DDR1: variants seen among roughly 807,000 people sequenced by gnomAD.
DDR1 encodes discoidin domain receptor tyrosine kinase 1, also known as epithelial discoidin domain-containing receptor 1.
A neutral mutation model predicts 97.4 loss-of-function variants in DDR1; 64 were observed. The observed-to-expected ratio is 0.66, with a 90% CI of 0.54 to 0.81. DDR1 has a LOEUF of 0.81. Ranked by LOEUF, DDR1 falls within the 30% of genes least tolerant of loss-of-function variation. The pLI is 0.00. For missense variants in DDR1, 990 were observed against 1,259.6 expected (o/e 0.79, Z 3.24); for synonymous variants, 458 against 503.7 (o/e 0.91, Z 1.21).
Position 30,891,400 on chromosome 6 carries a change from G to A in DDR1, c.586G>A (p.Ala196Thr), listed in dbSNP as rs557271556. Residue 196 changes from alanine to threonine, a missense_variant, in exon 6 of 18, where the codon GCC becomes ACC. Transcript: ENST00000376568. This position sits in a 1 kb window ranked among gnomAD's most constrained non-coding sequence, Gnocchi z 5.3. ...LWRDGLLSYT[A>T]PVGQTMYLSE... Reference sequence around the variant, plus strand: ...CCCAGATGGACTCCTGTCTTACACCGCCCCTGTGGGGCAGACAATGTATTT... The same window carrying A: ...CCCAGATGGACTCCTGTCTTACACCACCCCTGTGGGGCAGACAATGTATTT... 3.7e-6 allele frequency: 6 copies of A among 1,612,858 alleles called. No individual in the cohort carries two copies. Among genetic ancestry groups the A allele is most frequent in the South Asian group, 3.3e-5 (3 of 91,048 alleles).
At chr6:30,881,448 C>T (rs1446105572), upstream of DDR1, 1 of 152,540 alleles carries the variant, frequency 6.6e-6, no homozygotes, top group East Asian at 1.9e-4. Context: ...TTATACTTCT[C>T]ATCTCCCCGT....
In DDR1 at chr6:30,896,878, C is replaced by A; in HGVS notation, c.1869+13C>A. ...CCAGTTTGGGGAGGTAAGGAGGGTGCCTACCCAGTGTCTGGCCCTATTGTG... is the reference window on the plus strand; with the variant it reads ...CCAGTTTGGGGAGGTAAGGAGGGTGACTACCCAGTGTCTGGCCCTATTGTG... On this transcript the variant is annotated intron_variant, in intron 13 of 17. Transcript: ENST00000376568. The A allele has an allele frequency of 6.4e-7, 1 of 1,564,618 alleles. No individual in the cohort carries two copies. The highest frequency in any genetic ancestry group is 8.7e-7 in the Non-Finnish European group (1 of 1,151,658).
In DDR1 at chr6:30,894,489, C is replaced by T. The variant is rs1789928432; in HGVS notation, c.1348-17C>T. On this transcript the variant is annotated splice_polypyrimidine_tract_variant and intron_variant, in intron 10 of 17. Transcript: ENST00000376568. The surrounding 1 kb of genome is among the most constrained non-coding windows in gnomAD (Gnocchi z 5.7). ...GTGCTGAGCAACACGGGTGATGCCTCCCATCCCTATGACAAGGCTGAACGG... is the reference window on the plus strand; with the variant it reads ...GTGCTGAGCAACACGGGTGATGCCTTCCATCCCTATGACAAGGCTGAACGG... The T allele has an allele frequency of 6.3e-7, 1 of 1,596,422 alleles. No individual in the cohort carries two copies. The highest frequency in any genetic ancestry group is 8.5e-7 in the Non-Finnish European group (1 of 1,169,974).
At chr6:30,892,257 T>C (rs1353350290) in intron 7 of DDR1, 39 bp from the exon 8 acceptor site, 1 of 1,598,004 alleles carries the variant, frequency 6.3e-7, no homozygotes, top group African/African-American at 1.3e-5. Context: ...CCCCCACCAC[T>C]CCTAGCCTTG....
intron 1 of DDR1, chr6:30,885,238 G>A: frequency 1.3e-6 from 2 of 1,532,770 alleles, no homozygotes; most frequent in Non-Finnish European, 1.7e-6. Context: ...GCCGGTGAGC[G>A]CCAGCTTCAG....
Position 30,897,986 on chromosome 6 carries a change from C to A in DDR1, c.2217-87C>A. ...CCTCCACATGGGGAGCCAGAGTGAC[C>A]GGGCCCGGGGAGTGGGCTCTCTCTC... On this transcript the variant is annotated intron_variant, in intron 15 of 17. Transcript: ENST00000376568. The surrounding 1 kb of genome is among the most constrained non-coding windows in gnomAD (Gnocchi z 5.2). The A allele has an allele frequency of 9.6e-7, 1 of 1,039,660 alleles. No individual in the cohort carries two copies. The highest frequency in any genetic ancestry group is 1.4e-6 in the Non-Finnish European group (1 of 693,548). The allele number at this position is 1,039,660 out of a possible 1,614,324, so 64.4% of individuals were successfully genotyped here.
At position 30,897,097 on chromosome 6, in the gene DDR1, G is replaced by A. The variant is rs1461842671; in HGVS notation, c.1953G>A (p.Leu651=). The part of the protein sequence containing the change: ...PLNVRKGHPL[L]VAVKILRPDA... ...ATGTGCGTAAGGGACACCCTTTGCT[G>A]GTAGCTGTCAAGATCTTACGGCCAG... Residue 651 remains leucine, a synonymous_variant, in exon 14 of 18, where the codon CTG becomes CTA. Coordinates refer to ENST00000376568, the MANE Select transcript of DDR1 (RefSeq NM_001297654.2). This position sits in a 1 kb window ranked among gnomAD's most constrained non-coding sequence, Gnocchi z 5.2. 1 of 1,613,870 alleles carries A rather than the reference G, an allele frequency of 6.2e-7. No homozygotes were observed. Among genetic ancestry groups the A allele is most frequent in the Admixed American group, 1.7e-5 (1 of 59,988 alleles).
In DDR1 at chr6:30,896,605, C is replaced by T; in HGVS notation, c.1625-16C>T. On this transcript the variant is annotated splice_polypyrimidine_tract_variant and intron_variant, in intron 12 of 17. Coordinates refer to ENST00000376568, the MANE Select transcript of DDR1 (RefSeq NM_001297654.2). The stretch of plus-strand genomic sequence containing the variant: ...CCTGATGCCTCGTCCTGTCTTCTTT[C>T]CCCTCACCCCTGCAGCCTACAGTGG... 6.2e-7 allele frequency: 1 copy of T among 1,608,342 alleles called. No individual in the cohort carries two copies. The highest frequency in any genetic ancestry group is 8.5e-7 in the Non-Finnish European group (1 of 1,177,612).
At chr6:30,895,216 G>A (rs886193727) in intron 11 of DDR1, among the ~76,000 whole-genome samples, 188 bp from the exon 12 acceptor site, 3 of 151,744 alleles carry the variant, frequency 2.0e-5, no homozygotes, top group Non-Finnish European at 4.4e-5. Flanking sequence ...CTATTCATAC[G>A]TCCCATCTGT....
chr6:30,888,540 T>G lies in DDR1; in HGVS notation c.-42-148T>G. ...GCCAGTGTCTGGCACAGGGGAAGCA[T>G]TCTAAAAATATAGCTGATGCTGTTA... On this transcript the variant is annotated intron_variant, in intron 1 of 17. Coordinates refer to ENST00000376568, the MANE Select transcript of DDR1 (RefSeq NM_001297654.2). The surrounding 1 kb of genome is among the most constrained non-coding windows in gnomAD (Gnocchi z 4.2). 1 of 903,214 alleles carries G rather than the reference T, an allele frequency of 1.1e-6. No individual in the cohort carries two copies. Among genetic ancestry groups the G allele is most frequent in the Non-Finnish European group, 1.6e-6 (1 of 609,148 alleles). The allele number at this position is 903,214 out of a possible 1,614,324, so 55.9% of individuals were successfully genotyped here.
At position 30,887,034 on chromosome 6, in the gene DDR1, C is replaced by G. The variant is rs375381876; in HGVS notation, c.-42-1654C>G. The G allele has an allele frequency of 1.4e-3, 212 of 152,320 alleles. 4 individuals carry two copies. The South Asian group carries it at 0.031, about 22-fold the overall frequency. The allele number at this position is 152,320 out of a possible 1,614,324, so 9.4% of individuals were successfully genotyped here. Reference sequence around the variant, plus strand: ...TTGATTGAGCAGGTCAAGGGTGAGCCTGAGATTCTGATTTCTTCCATGCTT... The same window carrying G: ...TTGATTGAGCAGGTCAAGGGTGAGCGTGAGATTCTGATTTCTTCCATGCTT... On this transcript the variant is annotated intron_variant, in intron 1 of 17. Transcript: ENST00000376568.
Position 30,897,184 on chromosome 6 carries a change from G to T in DDR1, c.1997+43G>T. On this transcript the variant is annotated intron_variant, in intron 14 of 17. Coordinates refer to ENST00000376568, the MANE Select transcript of DDR1 (RefSeq NM_001297654.2). This position sits in a 1 kb window ranked among gnomAD's most constrained non-coding sequence, Gnocchi z 5.2. ...CATCTGGAAGAAGGGAGGGGAGGCC[G>T]TGAAGAGTGGGGAGCCATCTAGAGA... 5 of 1,606,888 alleles carry T rather than the reference G, an allele frequency of 3.1e-6. No homozygotes were observed. Among genetic ancestry groups the T allele is most frequent in the Non-Finnish European group, 4.2e-6 (5 of 1,176,844 alleles).
intron 10 of DDR1, 60 bp downstream of exon 10, chr6:30,893,483 C>A: frequency 6.5e-7 from 1 of 1,548,256 alleles, no homozygotes; most frequent in Non-Finnish European, 8.7e-7. Context: ...CACGAGCCAG[C>A]GTCCAGTGGG....
In DDR1 at chr6:30,898,166, G is replaced by T; in HGVS notation, c.2310G>T (p.Arg770=). Residue 770 remains arginine (R), a synonymous_variant, in exon 16 of 18, where the codon CGG becomes CGT. Transcript: ENST00000376568. ...LNFVHRDLAT[R]NCLVGENFTI... ...TTGTACATCGGGACCTGGCCACGCG[G>T]AACTGCCTAGTTGGGGAAAATTTCA... 1 of 1,614,250 alleles carries T rather than the reference G, an allele frequency of 6.2e-7. No homozygotes were observed. Among genetic ancestry groups the T allele is most frequent in the Non-Finnish European group, 8.5e-7 (1 of 1,180,042 alleles).
Position 30,898,078 on chromosome 6 carries a change from C to T in DDR1, c.2222C>T (p.Pro741Leu), listed in dbSNP as rs775762857. 1.2e-5 allele frequency: 19 copies of T among 1,613,030 alleles called. No homozygotes were observed. Among genetic ancestry groups the T allele is most frequent in the Non-Finnish European group, 1.4e-5 (16 of 1,178,932 alleles). ...TCTGTCGGTTCCCTTCTCAGCTACC[C>T]AATGCTGCTGCATGTGGCAGCCCAG... The part of the protein sequence containing the change: ...QAAQGPTISY[P>L]MLLHVAAQIA... The change falls in exon 16 of 18, where the codon CCA (proline) becomes CTA (leucine). Residue 741 changes from proline to leucine, a missense_variant. Physicochemically the swap from Pro to Leu is moderately conservative, Grantham distance 98. Transcript: ENST00000376568.
Position 30,893,315 on chromosome 6 carries a change from G to A in DDR1, c.1239G>A (p.Gly413=), listed in dbSNP as rs2150372578. 6.2e-7 allele frequency: 1 copy of A among 1,606,486 alleles called. No homozygotes were observed. Among genetic ancestry groups the A allele is most frequent in the South Asian group, 1.1e-5 (1 of 90,992 alleles). ...RGQQPVAKAE[G]SPTAILIGCL... ...AGCAGCCCGTGGCCAAGGCCGAGGG[G>A]AGCCCGACCGCCATCCTCATCGGCT... The change falls in exon 10 of 18, where the codon GGG becomes GGA. Residue 413 remains glycine (G), a synonymous_variant. Coordinates refer to ENST00000376568, the MANE Select transcript of DDR1 (RefSeq NM_001297654.2).
At chr6:30,882,801 T>C (rs1298634400), upstream of DDR1, 2 of 152,622 alleles carry the variant, frequency 1.3e-5, no homozygotes, top group Non-Finnish European at 2.9e-5. This position sits in a 1 kb window ranked among gnomAD's most constrained non-coding sequence, Gnocchi z 4.8. Flanking sequence ...CACCAGGGTA[T>C]GACGGGCTGT....
Position 30,899,604 on chromosome 6 carries a change from A to T in DDR1, c.*308A>T. 6.2e-6 allele frequency: 3 copies of T among 485,912 alleles called. No individual in the cohort carries two copies. Among genetic ancestry groups the T allele is most frequent in the Non-Finnish European group, 1.1e-5 (3 of 272,288 alleles). The allele number at this position is 485,912 out of a possible 1,614,324, so 30.1% of individuals were successfully genotyped here. A position where few individuals can be genotyped will look rare whatever the true frequency, so the allele number is the denominator to read the frequency against. On this transcript the variant is annotated 3_prime_UTR_variant, in exon 18 of 18. Coordinates refer to ENST00000376568, the MANE Select transcript of DDR1 (RefSeq NM_001297654.2). ...CCATCCCTTGGGGAAGGGTGGGGAG[A>T]AATATAGGATAGACACTGGACATGG...
Position 30,891,061 on chromosome 6 carries a change from G to A in DDR1, c.506G>A (p.Arg169Gln), listed in dbSNP as rs55980643. 75 of 1,612,926 alleles carry A rather than the reference G, an allele frequency of 4.6e-5. No individual in the cohort carries two copies. Among genetic ancestry groups the A allele is most frequent in the Non-Finnish European group, 5.8e-5 (69 of 1,180,034 alleles). Reference protein sequence around the residue: ...MVARLVRFYPRADRVMSVCLR... With the variant: ...MVARLVRFYPQADRVMSVCLR... ...GCCCGACTGGTTCGCTTCTACCCCC[G>A]GGCTGACCGGGTCATGAGCGTCTGT... The change falls in exon 5 of 18, where the codon CGG (arginine) becomes CAG (glutamine). Residue 169 changes from arginine (R) to glutamine (Q), a missense_variant. Coordinates refer to ENST00000376568, the MANE Select transcript of DDR1 (RefSeq NM_001297654.2). The surrounding 1 kb of genome is among the most constrained non-coding windows in gnomAD (Gnocchi z 5.3).
Sources: allele counts gnomAD v4.1 joint callset (sites outside exome capture counted in the v4.1 genomes callset), GRCh38; gene constraint gnomAD v4.1.1; non-coding constraint Gnocchi (gnomAD v3.1); transcripts MANE v1.5; gene names NCBI Gene and HGNC (gene_info 2026-07-23, HGNC 2026-07-21).